LEO1: variants seen among roughly 807,000 people sequenced by gnomAD.
LEO1 encodes LEO1 component of Paf1/RNA polymerase II complex.
LEO1 carries 34 observed loss-of-function variants against 80.4 expected under a neutral mutation model. The observed-to-expected ratio is 0.42, with a 90% confidence interval of 0.32 to 0.56. The LOEUF (loss-of-function observed/expected upper bound fraction) is 0.56, where lower values mean the gene tolerates loss of function less well. Among genes scored for constraint, LEO1 ranks in the 20% least tolerant of loss-of-function variants. LEO1 has a pLI of 0.10. For synonymous variants in LEO1, 262 were observed against 274.9 expected (o/e 0.95, Z 0.46); for missense variants, 631 against 814.2 (o/e 0.77, Z 2.74).
At position 51,965,934 on chromosome 15, in the gene LEO1, G is replaced by C. The variant is rs1015511850; in HGVS notation, c.629C>G (p.Ala210Gly). ...ERQQLSEEEK[A>G]NSDDERPVAS... Reference sequence around the variant, plus strand: ...TACCGGCCGTTCATCATCAGAATTAGCCTTTTCCTCCTCAGATAGCTGTTG... The same window carrying C: ...TACCGGCCGTTCATCATCAGAATTACCCTTTTCCTCCTCAGATAGCTGTTG... Residue 210 changes from alanine to glycine, a missense_variant, in exon 2 of 12, where the codon GCT (alanine) becomes GGT (glycine). Physicochemically the swap from Ala to Gly is moderately conservative, Grantham distance 60. Coordinates refer to ENST00000299601, the MANE Select transcript of LEO1 (RefSeq NM_138792.4). 10 of 1,613,848 alleles carry C rather than the reference G, an allele frequency of 6.2e-6. No individual in the cohort carries two copies. The highest frequency in any genetic ancestry group is 1.7e-5 in the Admixed American group (1 of 59,976).
chr15:51,968,097 C>T (rs1032402503), intron 1 of LEO1, among the ~76,000 whole-genome samples: 21 of 152,226 alleles, frequency 1.4e-4, no homozygotes, highest in South Asian at 4.1e-4. Flanking sequence ...GCAGGACAAT[C>T]GCTTGAACCC....
intron 1 of LEO1, among the ~76,000 whole-genome samples, chr15:51,968,910 T>A (rs2057100193): frequency 6.6e-6 from 1 of 152,212 alleles, no homozygotes. Flanking sequence ...AGTGTCTTTA[T>A]CCAAAATATA....
chr15:51,943,149 G>A (rs879800929), intron 11 of LEO1, among the ~76,000 whole-genome samples: 1 of 151,988 alleles, frequency 6.6e-6, no homozygotes, highest in Non-Finnish European at 1.5e-5. Context: ...GGAGACCAAT[G>A]CGGGCAGATC....
chr15:51,965,710 C>G, intron 2 of LEO1, 39 bp downstream of exon 2: 1 of 1,555,250 alleles, frequency 6.4e-7, no homozygotes. Flanking sequence ...TATCTGAATG[C>G]TTCTTTCTGA....
intron 10 of LEO1, 55 bp downstream of exon 10, chr15:51,949,753 A>G: frequency 6.9e-7 from 1 of 1,444,350 alleles, no homozygotes; most frequent in Non-Finnish European, 9.6e-7. Context: ...ATCTAATGCC[A>G]AGATGAAGTC....
intron 1 of LEO1, among the ~76,000 whole-genome samples, chr15:51,968,839 AG>A (rs1158883515): frequency 1.3e-5 from 2 of 151,960 alleles, no homozygotes; most frequent in Non-Finnish European, 2.9e-5. Flanking sequence ...AAAAAAAAAA[AG>A]GAAAGTGAAA....
In LEO1 at chr15:51,947,173, A is replaced by G; in HGVS notation, c.1896+119T>C. 3 of 741,114 alleles carry G rather than the reference A, an allele frequency of 4.0e-6. No individual in the cohort carries two copies. In the South Asian group the frequency reaches 4.4e-5, roughly 11 times the overall value. The allele number at this position is 741,114 out of a possible 1,614,324, so 45.9% of individuals were successfully genotyped here. On this transcript the variant is annotated intron_variant, in intron 11 of 11. Transcript: ENST00000299601. ...CTTGTTACTGCATTTATCTCACTGG[A>G]TTTCAGTGACGTGTGTAGACAACTA...
intron 10 of LEO1, among the ~76,000 whole-genome samples, chr15:51,947,981 G>A (rs777641127): frequency 1.3e-5 from 2 of 152,160 alleles, no homozygotes; most frequent in African/African-American, 4.8e-5. Flanking sequence ...CTACTCTTAC[G>A]AAGTCAACTA....
intron 1 of LEO1, 46 bp from the exon 2 acceptor site, chr15:51,966,550 G>C (rs1222931250): frequency 9.3e-7 from 1 of 1,079,380 alleles, no homozygotes; most frequent in Non-Finnish European, 1.4e-6. Flanking sequence ...AAAAAAGGCA[G>C]AGTAAGGCAG....
At chr15:51,939,387 T>A (rs1247793728) in intron 11 of LEO1, among the ~76,000 whole-genome samples, 1 of 152,168 alleles carries the variant, frequency 6.6e-6, no homozygotes, top group Non-Finnish European at 1.5e-5. Context: ...CACACTTGTT[T>A]CCTGCCTTAT....
chr15:51,961,316 G>A (rs1056616811), intron 3 of LEO1, among the ~76,000 whole-genome samples: 3 of 150,490 alleles, frequency 2.0e-5, no homozygotes, highest in African/African-American at 5.0e-5. Context: ...CACACCTGGC[G>A]GTAGAACTCC....
At position 51,962,415 on chromosome 15, in the gene LEO1, G is replaced by A. The variant is rs144873312; in HGVS notation, c.893C>T (p.Ala298Val). The change falls in exon 3 of 12, where the codon GCG (alanine) becomes GTG (valine). Residue 298 changes from alanine (A) to valine (V), a missense_variant. Transcript: ENST00000299601. ...TTTTGGCACCTCAGTGTCACTATCCGCTTCTGAATCAGATGCAATCGCATT... is the reference window on the plus strand; with the variant it reads ...TTTTGGCACCTCAGTGTCACTATCCACTTCTGAATCAGATGCAATCGCATT... Reference protein sequence around the residue: ...RKNAIASDSEADSDTEVPKDN... With the variant: ...RKNAIASDSEVDSDTEVPKDN... 72 of 1,612,690 alleles carry A rather than the reference G, an allele frequency of 4.5e-5. No homozygotes were observed. The highest frequency in any genetic ancestry group is 3.6e-4 in the African/African-American group (27 of 75,008).
At chr15:51,959,858 T>C in intron 5 of LEO1, 41 bp downstream of exon 5, 3 of 1,510,904 alleles carry the variant, frequency 2.0e-6, no homozygotes, top group Non-Finnish European at 8.9e-7. Context: ...TCTATGTATT[T>C]CTACTCAACA....
In LEO1 at chr15:51,960,037, T is replaced by C. The variant is rs754552781; in HGVS notation, c.1022A>G (p.Asn341Ser). 20 of 1,610,288 alleles carry C rather than the reference T, an allele frequency of 1.2e-5. No homozygotes were observed. The Admixed American group carries it at 2.4e-4, about 19-fold the overall frequency. Reference protein sequence around the residue: ...PPTPGQPVDENGLPQDQQEEE... With the variant: ...PPTPGQPVDESGLPQDQQEEE... Reference sequence around the variant, plus strand: ...TTCCTGTTGATCCTGAGGCAATCCATTTTCATCCTAGTGAAAGAATCGGAA... The same window carrying C: ...TTCCTGTTGATCCTGAGGCAATCCACTTTCATCCTAGTGAAAGAATCGGAA... Residue 341 changes from asparagine (N) to serine (S), a missense_variant, in exon 5 of 12, where the codon AAT becomes AGT. By Grantham distance (46) the Asn-to-Ser change is conservative. Coordinates refer to ENST00000299601, the MANE Select transcript of LEO1 (RefSeq NM_138792.4).
chr15:51,947,577 T>G (rs773428207), intron 10 of LEO1, among the ~76,000 whole-genome samples, 188 bp from the exon 11 acceptor site: 1 of 152,108 alleles, frequency 6.6e-6, no homozygotes, highest in Non-Finnish European at 1.5e-5. Context: ...TACCTACCCA[T>G]GCCCAGCTGA....
intron 10 of LEO1, among the ~76,000 whole-genome samples, 199 bp from the exon 11 acceptor site, chr15:51,947,588 T>C (rs1439038538): frequency 6.7e-6 from 1 of 150,096 alleles, no homozygotes; most frequent in Non-Finnish European, 1.5e-5. Flanking sequence ...GCCCAGCTGA[T>C]TTTTTTTTTC....
intron 7 of LEO1, among the ~76,000 whole-genome samples, chr15:51,953,685 T>TCCG (rs2056966500): frequency 6.6e-6 from 1 of 151,776 alleles, no homozygotes; most frequent in South Asian, 2.1e-4. Context: ...ACACAGAATT[T>TCCG]GGAAGGAACG....
chr15:51,960,004 G>A lies in LEO1; in HGVS notation c.1055C>T (p.Pro352Leu). 2 of 1,613,228 alleles carry A rather than the reference G, an allele frequency of 1.2e-6. No individual in the cohort carries two copies. Among genetic ancestry groups the A allele is most frequent in the Non-Finnish European group, 1.7e-6 (2 of 1,179,678 alleles). Residue 352 changes from proline (P) to leucine (L), a missense_variant, in exon 5 of 12, where the codon CCA becomes CTA. Pro to Leu is a moderately conservative substitution (Grantham distance 98). Coordinates refer to ENST00000299601, the MANE Select transcript of LEO1 (RefSeq NM_138792.4). ...TACTTCTATTCTGGTCTCAGGAATT[G>A]GCTCCTCTTCCTGTTGATCCTGAGG... Reference protein sequence around the residue: ...GLPQDQQEEEPIPETRIEVEI... With the variant: ...GLPQDQQEEELIPETRIEVEI...
intron 11 of LEO1, among the ~76,000 whole-genome samples, chr15:51,943,707 A>AG (rs1555391970): frequency 2.0e-5 from 3 of 151,946 alleles, no homozygotes; most frequent in Admixed American, 1.3e-4. Flanking sequence ...CTCAAAAAAA[A>AG]AAAGAAAGAA....
Sources: gnomAD v4.1 joint callset for allele counts (sites outside exome capture counted in the v4.1 genomes callset) on GRCh38, gnomAD v4.1.1 for gene constraint, MANE v1.5 for transcripts, NCBI Gene and HGNC (gene_info 2026-07-23, HGNC 2026-07-21) for gene names.